ZNF71: variants seen among roughly 807,000 people sequenced by gnomAD.
ZNF71 encodes the protein endothelial zinc finger protein induced by tumor necrosis factor alpha.
A neutral mutation model predicts 6.7 loss-of-function variants in ZNF71; 3 were observed. The observed-to-expected ratio is 0.45, with a 90% confidence interval of 0.20 to 1.16. ZNF71 has a LOEUF of 1.16. ZNF71 is among the 50% of genes most tolerant of loss of function. The pLI is 0.25. For synonymous variants in ZNF71, 343 were observed against 311.1 expected (o/e 1.10, Z -1.08); for missense variants, 688 against 728.6 (o/e 0.94, Z 0.64).
intron 2 of ZNF71, among the ~76,000 whole-genome samples, chr19:56,601,899 T>C (rs989645173): frequency 6.6e-6 from 1 of 152,152 alleles, no homozygotes; most frequent in Non-Finnish European, 1.5e-5. Context: ...ATGCTGGATG[T>C]GTGACCTTTA....
intron 2 of ZNF71, among the ~76,000 whole-genome samples, chr19:56,604,629 C>A (rs1383575458): frequency 6.6e-6 from 1 of 152,166 alleles, no homozygotes; most frequent in Admixed American, 6.5e-5. Flanking sequence ...AAACACAGCT[C>A]ATGAGGGGCA....
rs1366139139 is a variant in ZNF71 at position 56,622,615 on chromosome 19, G to T, written c.1508G>T (p.Cys503Phe). 6.2e-7 allele frequency: 1 copy of T among 1,613,784 alleles called. No individual in the cohort carries two copies. Among genetic ancestry groups the T allele is most frequent in the South Asian group, 1.1e-5 (1 of 91,062 alleles). The change falls in exon 4 of 4, where the codon TGC (cysteine) becomes TTC (phenylalanine). Residue 503 changes from cysteine to phenylalanine, a missense_variant. Transcript: ENST00000599599. The part of the protein sequence containing the change: ...TGEKPYRCGQ[C>F]GKSFIKNSSL... ...GAGAAGCCGTACAGGTGCGGCCAGT[G>T]CGGGAAGTCCTTCATCAAGAACTCC...
chr19:56,611,669 T>G (rs752767575), intron 2 of ZNF71, among the ~76,000 whole-genome samples: 4 of 152,240 alleles, frequency 2.6e-5, no homozygotes, highest in Non-Finnish European at 5.9e-5. Flanking sequence ...AGGTCTGTTT[T>G]AAGTTAATAA....
chr19:56,596,347 T>C (rs1469175621), intron 1 of ZNF71, among the ~76,000 whole-genome samples: 1 of 152,114 alleles, frequency 6.6e-6, no homozygotes, highest in Non-Finnish European at 1.5e-5. Flanking sequence ...TGGGTGTGCC[T>C]CTTCCAAAGA....
chr19:56,611,558 C>A (rs971633056), intron 2 of ZNF71, among the ~76,000 whole-genome samples: 1 of 152,310 alleles, frequency 6.6e-6, no homozygotes, highest in East Asian at 1.9e-4. Flanking sequence ...GCCCGCAGAT[C>A]TCTGTGCAGA....
At chr19:56,604,283 G>A (rs1379167936) in intron 2 of ZNF71, among the ~76,000 whole-genome samples, 4 of 152,104 alleles carry the variant, frequency 2.6e-5, no homozygotes, top group Non-Finnish European at 4.4e-5. Flanking sequence ...TATTAAATAT[G>A]CACAGCTTTT....
chr19:56,617,112 GT>G lies in ZNF71; in HGVS notation c.160+3183del, dbSNP rs748784485. Among the ~76,000 whole-genome samples the G allele has an allele frequency of 5.8e-3, 821 of 140,704 alleles. 27 individuals are homozygous for G. The highest frequency in any genetic ancestry group is 0.021 in the African/African-American group (753 of 35,350). The allele number at this position is 140,704 out of a possible 152,430, so 92.3% of individuals were successfully genotyped here. ...TTACAGGAGACTTCCATTTTCTTTT[GT>G]TTTTTTTTGTTTTTTTTGAGACAGT... On this transcript the variant is annotated intron_variant, in intron 3 of 3. Coordinates refer to ENST00000599599, the MANE Select transcript of ZNF71 (RefSeq NM_001370215.1).
intron 2 of ZNF71, among the ~76,000 whole-genome samples, chr19:56,611,172 C>T (rs545938233): frequency 4.3e-4 from 66 of 152,264 alleles, no homozygotes; most frequent in Admixed American, 1.5e-3. Flanking sequence ...GGGGGATATT[C>T]GAGGAGAGAA....
rs550955668 is a variant in ZNF71, at chr19:56,613,879, C to T, written c.101C>T (p.Ala34Val). 1.1e-4 allele frequency: 120 copies of T among 1,113,738 alleles called. 1 individual carries two copies. Among genetic ancestry groups the T allele is most frequent in the South Asian group, 7.8e-4 (27 of 34,530 alleles). 69.0% of individuals were successfully genotyped at this position (1,113,738 alleles called of 1,614,324 possible). A position where few individuals can be genotyped will look rare whatever the true frequency, so the allele number is the denominator to read the frequency against. Reference protein sequence around the residue: ...TQEEWQQLEPAQKDLYRDVML... With the variant: ...TQEEWQQLEPVQKDLYRDVML... ...GAGGAGTGGCAGCAGCTGGAGCCTGCCCAGAAGGACCTGTACAGGGATGTC... is the reference window on the plus strand; with the variant it reads ...GAGGAGTGGCAGCAGCTGGAGCCTGTCCAGAAGGACCTGTACAGGGATGTC... The change falls in exon 3 of 4, where the codon GCC becomes GTC. Residue 34 changes from alanine to valine, a missense_variant. Transcript: ENST00000599599. This position sits in a 1 kb window ranked among gnomAD's most constrained non-coding sequence, Gnocchi z 4.6.
Position 56,621,672 on chromosome 19 carries a change from ACCTACGACTGCAGCGAGTG to A in ZNF71, c.566_584del (p.Thr189MetfsTer11). ...CCCCATGCCCTGCGAGGAGAAGAAA[ACCTACGACTGCAGCGAGTG>A]TGGCAAGGCCTTTAGCCGAAGCTCG... On this transcript the variant is annotated frameshift_variant, in exon 4 of 4. Coordinates refer to ENST00000599599, the MANE Select transcript of ZNF71 (RefSeq NM_001370215.1). LOFTEE classifies it low-confidence loss of function (END_TRUNC). 1 of 1,614,102 alleles carries A rather than the reference ACCTACGACTGCAGCGAGTG, an allele frequency of 6.2e-7. No individual in the cohort carries two copies. Among genetic ancestry groups the A allele is most frequent in the Middle Eastern group, 1.6e-4 (1 of 6,062 alleles).
chr19:56,624,080 T>G lies in ZNF71; in HGVS notation c.*1323T>G, dbSNP rs1031999637. 1 of 166,896 alleles carries G rather than the reference T, an allele frequency of 6.0e-6. No individual in the cohort carries two copies. Among genetic ancestry groups the G allele is most frequent in the African/African-American group, 2.4e-5 (1 of 41,472 alleles). The allele number at this position is 166,896 out of a possible 1,614,324, so 10.3% of individuals were successfully genotyped here. ...TCTGGGGCCTTTTAGGCCATACTTT[T>G]AATTTTGTTATTTGATACTACTGGT... On this transcript the variant is annotated 3_prime_UTR_variant, in exon 4 of 4. Coordinates refer to ENST00000599599, the MANE Select transcript of ZNF71 (RefSeq NM_001370215.1).
chr19:56,601,962 G>A (rs895091661), intron 2 of ZNF71, among the ~76,000 whole-genome samples: 2 of 152,176 alleles, frequency 1.3e-5, no homozygotes, highest in Non-Finnish European at 2.9e-5. Context: ...CCACATGTGT[G>A]ATGAAAGTAC....
At chr19:56,608,189 CA>C (rs2044723957) in intron 2 of ZNF71, among the ~76,000 whole-genome samples, 1 of 152,114 alleles carries the variant, frequency 6.6e-6, no homozygotes, top group Non-Finnish European at 1.5e-5. Context: ...GCATTAAATG[CA>C]TTCCTAATGT....
At chr19:56,617,345 G>A (rs1047048718) in intron 3 of ZNF71, among the ~76,000 whole-genome samples, 2 of 152,108 alleles carry the variant, frequency 1.3e-5, no homozygotes, top group African/African-American at 4.8e-5. Context: ...TCCTGACCAA[G>A]TGATCTGCCT....
intron 3 of ZNF71, among the ~76,000 whole-genome samples, chr19:56,615,793 T>C (rs145153858): frequency 2.4e-4 from 37 of 152,328 alleles, no homozygotes; most frequent in African/African-American, 7.0e-4. Context: ...TTAATTTTGA[T>C]GTAGTGCGAT....
intron 2 of ZNF71, among the ~76,000 whole-genome samples, chr19:56,612,182 A>G (rs760019338): frequency 3.9e-5 from 6 of 152,240 alleles, no homozygotes; most frequent in Non-Finnish European, 8.8e-5. Flanking sequence ...TGATCCAGCA[A>G]TCTCACTACT....
chr19:56,604,975 A>T (rs1204089469), intron 2 of ZNF71, among the ~76,000 whole-genome samples: 1 of 152,326 alleles, frequency 6.6e-6, no homozygotes, highest in East Asian at 1.9e-4. Flanking sequence ...CCTGTAGCAA[A>T]TTGGAGCTTT....
intron 1 of ZNF71, among the ~76,000 whole-genome samples, chr19:56,599,692 TTTTG>T (rs2044652189): frequency 6.9e-6 from 1 of 145,662 alleles, no homozygotes; most frequent in South Asian, 2.1e-4. Flanking sequence ...ATTTTTAGTG[TTTTG>T]TTTTTTTTTT....
intron 1 of ZNF71, among the ~76,000 whole-genome samples, chr19:56,597,218 G>A (rs1443810030): frequency 6.6e-6 from 1 of 152,222 alleles, no homozygotes; most frequent in Admixed American, 6.5e-5. Context: ...TACTGGGTAA[G>A]TGGGCTCTGG....
Sources: gnomAD v4.1 joint callset for allele counts (sites outside exome capture counted in the v4.1 genomes callset) on GRCh38, gnomAD v4.1.1 for gene constraint, Gnocchi (gnomAD v3.1) non-coding constraint, MANE v1.5 for transcripts, NCBI Gene and HGNC (gene_info 2026-07-23, HGNC 2026-07-21) for gene names.